Variants in RAB9B observed in about 807,000 individuals in gnomAD.
RAB9B encodes ras-related protein Rab-9B.
A neutral mutation model predicts 8.9 loss-of-function variants in RAB9B; 1 was observed. The observed-to-expected ratio is 0.11, with a 90% CI of 0.04 to 0.53. RAB9B has a LOEUF of 0.53. Among genes scored for constraint, RAB9B ranks in the 20% least tolerant of loss-of-function variants. The pLI is 0.93. For missense variants in RAB9B, 82 were observed against 152.9 expected (o/e 0.54, Z 2.45); for synonymous variants, 63 against 57.0 (o/e 1.10, Z -0.47).
At chrX:103,799,277 T>C in the RAB9B span, among the ~76,000 whole-genome samples, 1 of 111,208 alleles carries the variant, frequency 9.0e-6, no homozygotes, top group Non-Finnish European at 1.9e-5. Flanking sequence ...ATATCTGTTT[T>C]CAAATTCTCT....
At chrX:103,802,277 G>A in the RAB9B span, among the ~76,000 whole-genome samples, 2 of 105,941 alleles carry the variant, frequency 1.9e-5, no homozygotes, top group South Asian at 8.8e-4. Flanking sequence ...AGAGAGAGGC[G>A]GGGGTGAAGA....
downstream of RAB9B, among the ~76,000 whole-genome samples, chrX:103,821,645 C>T (rs1337867480): frequency 8.9e-6 from 1 of 112,050 alleles, no homozygotes; most frequent in Non-Finnish European, 1.9e-5. Flanking sequence ...TTTGTTTCAC[C>T]TATATTTTCA....
chrX:103,817,246 A>G, the RAB9B span, among the ~76,000 whole-genome samples: 1 of 112,031 alleles, frequency 8.9e-6, no homozygotes, highest in Non-Finnish European at 1.9e-5. Context: ...AATACTATGC[A>G]GCCATGAAAA....
the RAB9B span, among the ~76,000 whole-genome samples, chrX:103,803,864 C>A: frequency 8.9e-6 from 1 of 112,786 alleles, no homozygotes; most frequent in Non-Finnish European, 1.9e-5. Context: ...GCGTGAGCCA[C>A]CGCGTTTGGC....
At position 103,825,225 on chromosome X, in the gene RAB9B, G is replaced by A; in HGVS notation, c.560C>T (p.Thr187Ile). The change falls in exon 3 of 3, where the codon ACC becomes ATC. Residue 187 changes from threonine (T) to isoleucine (I), a missense_variant. Transcript: ENST00000243298. ...EQLEHCMLGH[T>I]IDLNSGSKAG... ...TTTGGAGCCACTGTTCAAGTCAATGGTGTGACCCAACATGCAATGCTCCAG... is the reference window on the plus strand; with the variant it reads ...TTTGGAGCCACTGTTCAAGTCAATGATGTGACCCAACATGCAATGCTCCAG... 8.3e-7 allele frequency: 1 copy of A among 1,211,023 alleles called. No homozygotes were observed. Among genetic ancestry groups the A allele is most frequent in the Non-Finnish European group, 1.1e-6 (1 of 895,219 alleles).
chrX:103,796,848 A>C, the RAB9B span, among the ~76,000 whole-genome samples: 2 of 48,444 alleles, frequency 4.1e-5, no homozygotes, highest in Non-Finnish European at 7.2e-5. Context: ...CCGCCTCTAC[A>C]AAAAAAAAAA....
the RAB9B span, among the ~76,000 whole-genome samples, chrX:103,778,469 G>A: frequency 4.5e-5 from 5 of 111,790 alleles, no homozygotes; most frequent in Admixed American, 2.8e-4. Flanking sequence ...CCTATCTAAT[G>A]TCAGCCGAGC....
chrX:103,813,464 G>GTT, the RAB9B span, among the ~76,000 whole-genome samples: 3 of 109,569 alleles, frequency 2.7e-5, no homozygotes, highest in Admixed American at 9.8e-5. Context: ...TTTTGTTTTT[G>GTT]TTTGTTCGTT....
the RAB9B span, among the ~76,000 whole-genome samples, chrX:103,782,333 C>T: frequency 8.9e-6 from 1 of 111,871 alleles, no homozygotes; most frequent in African/African-American, 3.3e-5. Context: ...CTTTCTTGTC[C>T]CTTGCTTTGA....
chrX:103,783,671 C>T, the RAB9B span, among the ~76,000 whole-genome samples: 1 of 112,103 alleles, frequency 8.9e-6, no homozygotes, highest in East Asian at 2.8e-4. Context: ...TTCATGCTCT[C>T]TGGGCTAAAA....
At chrX:103,813,113 G>A in the RAB9B span, among the ~76,000 whole-genome samples, 3 of 109,152 alleles carry the variant, frequency 2.7e-5, no homozygotes, top group African/African-American at 1.0e-4. Flanking sequence ...AGTAGAGACG[G>A]GGTTTCACCG....
At chrX:103,826,039 A>G (rs2074682156) in intron 2 of RAB9B, among the ~76,000 whole-genome samples, 1 of 112,055 alleles carries the variant, frequency 8.9e-6, no homozygotes, top group African/African-American at 3.2e-5. Flanking sequence ...GTGCCAGGAA[A>G]ATGGCTGAGT....
At chrX:103,777,468 C>T in the RAB9B span, among the ~76,000 whole-genome samples, 3 of 112,042 alleles carry the variant, frequency 2.7e-5, no homozygotes, top group African/African-American at 9.7e-5. Flanking sequence ...ATCGGGCAAG[C>T]TGGACTCAGG....
chrX:103,795,357 C>A, the RAB9B span, among the ~76,000 whole-genome samples: 1 of 111,654 alleles, frequency 9.0e-6, no homozygotes, highest in South Asian at 3.8e-4. Context: ...GTTTTGCCCC[C>A]CAATGTGGAA....
At chrX:103,818,180 A>G (rs1179778797), downstream of RAB9B, among the ~76,000 whole-genome samples, 1 of 111,615 alleles carries the variant, frequency 9.0e-6, no homozygotes, top group Non-Finnish European at 1.9e-5. Flanking sequence ...CATTCACTCA[A>G]GGAAAAATAA....
In RAB9B at chrX:103,824,517, A is replaced by C. The variant is rs1307810681; in HGVS notation, c.*662T>G. The C allele has an allele frequency of 8.9e-6, 1 of 112,472 alleles. No homozygotes were observed. Among genetic ancestry groups the C allele is most frequent in the Non-Finnish European group, 1.9e-5 (1 of 53,310 alleles). 9.3% of individuals were successfully genotyped at this position (112,472 alleles called of 1,213,427 possible). ...CCATTCACTAGTATCCTATGACTTC[A>C]AACACAAGAAGTATAATCAATTGCC... On this transcript the variant is annotated 3_prime_UTR_variant, in exon 3 of 3. Transcript: ENST00000243298.
At chrX:103,814,889 G>A in the RAB9B span, among the ~76,000 whole-genome samples, 3 of 111,512 alleles carry the variant, frequency 2.7e-5, no homozygotes, top group Non-Finnish European at 5.6e-5. Flanking sequence ...AAACCACAAA[G>A]AAGTTGAATC....
chrX:103,790,375 C>T, the RAB9B span: 1 of 541,875 alleles, frequency 1.8e-6, no homozygotes, highest in Non-Finnish European at 3.3e-6. Flanking sequence ...TGGAGAAAGC[C>T]AAGCCTGGGA....
At chrX:103,808,742 G>C in the RAB9B span, among the ~76,000 whole-genome samples, 1 of 112,780 alleles carries the variant, frequency 8.9e-6, no homozygotes, top group Admixed American at 9.3e-5. Flanking sequence ...AGGTGAGCTG[G>C]GGCCAGGGCA....
Sources: allele counts gnomAD v4.1 joint callset (sites outside exome capture counted in the v4.1 genomes callset), GRCh38; gene constraint gnomAD v4.1.1; transcripts MANE v1.5; gene names NCBI Gene and HGNC (gene_info 2026-07-23, HGNC 2026-07-21).